RFX7: variants seen among roughly 807,000 people sequenced by gnomAD.
The protein encoded by RFX7 is regulatory factor X7.
RFX7 carries 26 observed loss-of-function variants against 111.8 expected under a neutral mutation model. The observed-to-expected ratio is 0.23, with a 90% CI of 0.17 to 0.32. The LOEUF (loss-of-function observed/expected upper bound fraction) is 0.32. RFX7 is among the 10% of genes least tolerant of loss of function. RFX7 has a pLI of 1.00. For synonymous variants in RFX7, 624 were observed against 624.4 expected, an observed-to-expected ratio of 1.00 and a Z score of 0.01; for missense variants, 1,573 against 1,772.9, an observed-to-expected ratio of 0.89 and a Z score of 2.02.
rs867183591 is a variant in RFX7, at chr15:56,221,940, C to T, written c.161+21185G>A. Among the ~76,000 whole-genome samples the T allele has an allele frequency of 3.3e-5, 5 of 152,096 alleles. No homozygotes were observed. In the South Asian group the frequency reaches 1.0e-3, roughly 32 times the overall value. On this transcript the variant is annotated intron_variant, in intron 2 of 9. Transcript: ENST00000559447. ...CTTTAAAAAAGTCATTTATATTCTC[C>T]TACAGAGAGATCAATTCTGGTTCTC...
At chr15:56,135,972 T>C (rs1290191975) in intron 5 of RFX7, among the ~76,000 whole-genome samples, 1 of 152,222 alleles carries the variant, frequency 6.6e-6, no homozygotes, top group Non-Finnish European at 1.5e-5. Context: ...TCCATTGATC[T>C]ATATCTCTGT....
rs2041554967 is a variant in RFX7, at chr15:56,088,508, A to C, written c.*4837T>G. ...AGAATTAAGTACTTCTTAAAAATCA[A>C]ATCTTGAAAAATGTAGTCTTTTTGT... On this transcript the variant is annotated 3_prime_UTR_variant, in exon 10 of 10. Coordinates refer to ENST00000559447, the MANE Select transcript of RFX7 (RefSeq NM_022841.7). 6.6e-6 allele frequency: 1 copy of C among 152,200 alleles called. No homozygotes were observed. Among genetic ancestry groups the C allele is most frequent in the African/African-American group, 2.4e-5 (1 of 41,468 alleles). The allele number at this position is 152,200 out of a possible 1,614,324, so 9.4% of individuals were successfully genotyped here.
chr15:56,124,960 T>G (rs2042123554), intron 5 of RFX7, among the ~76,000 whole-genome samples: 1 of 152,326 alleles, frequency 6.6e-6, no homozygotes, highest in Admixed American at 6.5e-5. Flanking sequence ...AGTCCCTATG[T>G]TTTCTTCTGC....
At chr15:56,196,955 A>G (rs2043151300) in intron 2 of RFX7, among the ~76,000 whole-genome samples, 1 of 152,148 alleles carries the variant, frequency 6.6e-6, no homozygotes, top group Admixed American at 6.5e-5. Context: ...TTGATCTTCA[A>G]CTTTCTAATT....
At chr15:56,215,298 C>T (rs2043352571) in intron 2 of RFX7, among the ~76,000 whole-genome samples, 1 of 152,084 alleles carries the variant, frequency 6.6e-6, no homozygotes, top group South Asian at 2.1e-4. Flanking sequence ...TTGGTTGAAC[C>T]CACAGATACA....
chr15:56,215,894 C>T (rs2043358712), intron 2 of RFX7, among the ~76,000 whole-genome samples: 1 of 152,092 alleles, frequency 6.6e-6, no homozygotes, highest in Non-Finnish European at 1.5e-5. Context: ...TTATCATTTC[C>T]AAGATGGATC....
chr15:56,106,192 A>C (rs2041827470), intron 5 of RFX7, among the ~76,000 whole-genome samples: 1 of 152,190 alleles, frequency 6.6e-6, no homozygotes, highest in African/African-American at 2.4e-5. Flanking sequence ...ACCAATGCCA[A>C]ATTTGTTTTT....
chr15:56,233,658 T>C (rs2141236617), intron 2 of RFX7, among the ~76,000 whole-genome samples: 1 of 152,168 alleles, frequency 6.6e-6, no homozygotes, highest in Non-Finnish European at 1.5e-5. Flanking sequence ...AAATGAGTAA[T>C]GAAATGAAAG....
intron 5 of RFX7, among the ~76,000 whole-genome samples, chr15:56,107,296 C>CAAAAAAAAAA (rs56077181): frequency 3.1e-4 from 10 of 32,122 alleles, no homozygotes; most frequent in South Asian, 2.2e-3. Context: ...GACTCCGTCT[C>CAAAAAAAAAA]AAAAAAAAAA....
intron 2 of RFX7, among the ~76,000 whole-genome samples, chr15:56,203,994 T>C (rs968192363): frequency 2.0e-5 from 3 of 151,452 alleles, no homozygotes; most frequent in Non-Finnish European, 4.4e-5. Context: ...GGGGTCTGAT[T>C]GGGACCTCTT....
intron 5 of RFX7, among the ~76,000 whole-genome samples, chr15:56,118,163 C>T (rs184612671): frequency 6.6e-6 from 1 of 152,174 alleles, no homozygotes; most frequent in Non-Finnish European, 1.5e-5. Context: ...TCCATCACCT[C>T]GAGCATTTAT....
intron 5 of RFX7, among the ~76,000 whole-genome samples, chr15:56,133,195 A>C (rs1383014949): frequency 6.6e-6 from 1 of 152,132 alleles, no homozygotes; most frequent in East Asian, 1.9e-4. Flanking sequence ...GAATTCAAAA[A>C]TTTCAACAAA....
chr15:56,215,515 C>T (rs762120004), intron 2 of RFX7, among the ~76,000 whole-genome samples: 8 of 152,164 alleles, frequency 5.3e-5, no homozygotes, highest in African/African-American at 1.2e-4. Flanking sequence ...TTCTAATGAA[C>T]CGACTTTGCC....
chr15:56,140,342 G>C (rs2042373696), intron 5 of RFX7, among the ~76,000 whole-genome samples: 2 of 152,342 alleles, frequency 1.3e-5, no homozygotes, highest in African/African-American at 4.8e-5. Flanking sequence ...AAGCCCGTCG[G>C]AAAAGCGCAG....
At chr15:56,224,834 G>C (rs2043465058) in intron 2 of RFX7, among the ~76,000 whole-genome samples, 1 of 151,960 alleles carries the variant, frequency 6.6e-6, no homozygotes, top group African/African-American at 2.4e-5. Flanking sequence ...TCCCACTGTT[G>C]TTTGCATTTA....
chr15:56,125,558 G>C (rs1160450410), intron 5 of RFX7, among the ~76,000 whole-genome samples: 1 of 151,354 alleles, frequency 6.6e-6, no homozygotes, highest in Non-Finnish European at 1.5e-5. Flanking sequence ...CCTTGTAGAA[G>C]TCTTTCGCAT....
At chr15:56,231,655 C>G (rs944317812) in intron 2 of RFX7, among the ~76,000 whole-genome samples, 7 of 152,154 alleles carry the variant, frequency 4.6e-5, no homozygotes, top group African/African-American at 1.4e-4. Flanking sequence ...CTCATGTCCT[C>G]ACATTTCAAA....
chr15:56,113,687 A>C (rs1334977899), intron 5 of RFX7, among the ~76,000 whole-genome samples: 2 of 151,978 alleles, frequency 1.3e-5, no homozygotes, highest in African/African-American at 4.8e-5. Flanking sequence ...AAAAAAAGTA[A>C]ACTGAATGCT....
At chr15:56,230,072 CT>C (rs1396712030) in intron 2 of RFX7, among the ~76,000 whole-genome samples, 1 of 151,376 alleles carries the variant, frequency 6.6e-6, no homozygotes, top group Non-Finnish European at 1.5e-5. Flanking sequence ...GTCTTGTCTC[CT>C]AAAAAAAAAT....
Sources: gnomAD v4.1 joint callset for allele counts (sites outside exome capture counted in the v4.1 genomes callset) on GRCh38, gnomAD v4.1.1 for gene constraint, MANE v1.5 for transcripts, NCBI Gene and HGNC (gene_info 2026-07-23, HGNC 2026-07-21) for gene names.